PTPRD: variants seen among roughly 807,000 people sequenced by gnomAD.
The protein encoded by PTPRD is receptor-type tyrosine-protein phosphatase delta.
Under a neutral mutation model 214.5 loss-of-function variants are expected in PTPRD, and 34 were observed. The ratio of observed to expected loss-of-function variants is 0.16; its 90% CI spans 0.12 to 0.21. The LOEUF (loss-of-function observed/expected upper bound fraction) is 0.21, where lower values mean the gene tolerates loss of function less well. Among genes scored for constraint, PTPRD ranks in the 10% least tolerant of loss-of-function variants. PTPRD has a pLI of 1.00. For missense variants in PTPRD, 2,545 were observed against 2,398.7 expected (o/e 1.06, Z -1.27); for synonymous variants, 1,128 against 845.7 (o/e 1.33, Z -5.79).
At chr9:9,941,818 C>A (rs901070220) in intron 4 of PTPRD, among the ~76,000 whole-genome samples, 1 of 152,112 alleles carries the variant, frequency 6.6e-6, no homozygotes, top group East Asian at 1.9e-4. Context: ...CTGGAAAATT[C>A]ATGTCATTCA....
At chr9:10,509,557 T>TTATATA (rs3076461) in intron 2 of PTPRD, among the ~76,000 whole-genome samples, 2,795 of 106,652 alleles carry the variant, frequency 0.026, 222 homozygotes, top group African/African-American at 0.1. Context: ...TTAATAAATA[T>TTATATA]TATATATATA....
rs1407318729 is a variant in PTPRD at position 8,610,363 on chromosome 9, T to G, written c.352+22954A>C. Among the ~76,000 whole-genome samples the G allele has an allele frequency of 2.0e-5, 3 of 152,196 alleles. No individual in the cohort carries two copies. In the South Asian group the frequency reaches 6.2e-4, roughly 31 times the overall value. The stretch of plus-strand genomic sequence containing the variant: ...ATTTCAGTATTCAGAGGAAAAAATC[T>G]GAGGCACTGGAAAGCCTAGGGTTTT... On this transcript the variant is annotated intron_variant, in intron 14 of 45. Coordinates refer to ENST00000381196, the MANE Select transcript of PTPRD (RefSeq NM_002839.4).
chr9:8,723,454 T>C lies in PTPRD; in HGVS notation c.64+10326A>G, dbSNP rs192709744. Among the ~76,000 whole-genome samples, 20 of 152,308 alleles carry C rather than the reference T, an allele frequency of 1.3e-4. No individual in the cohort carries two copies. The East Asian group carries it at 2.9e-3, about 22-fold the overall frequency. Reference sequence around the variant, plus strand: ...ACGCCGTTCAGTGACTTGTTGCCCATAGCCATGTCTTGCTGCACTGCTCCT... The same window carrying C: ...ACGCCGTTCAGTGACTTGTTGCCCACAGCCATGTCTTGCTGCACTGCTCCT... On this transcript the variant is annotated intron_variant, in intron 12 of 45. Transcript: ENST00000381196.
At chr9:9,170,136 T>C (rs1003463973) in intron 10 of PTPRD, among the ~76,000 whole-genome samples, 3 of 152,198 alleles carry the variant, frequency 2.0e-5, no homozygotes, top group Admixed American at 2.0e-4. Context: ...TATCGCAATC[T>C]GTGATTACAA....
rs774811026 is a variant in PTPRD at position 8,518,300 on chromosome 9, T to C, written c.1091A>G (p.Glu364Gly). ...YIIQHKPKNS[E>G]ELYKEIDGVA... The stretch of plus-strand genomic sequence containing the variant: ...CCCATCAATTTCTTTGTAAAGTTCC[T>C]CAGAGTTTTTAGGTTTATGCTGAAT... The change falls in exon 21 of 46, where the codon GAG becomes GGG. Residue 364 changes from glutamate (E) to glycine (G), a missense_variant. Coordinates refer to ENST00000381196, the MANE Select transcript of PTPRD (RefSeq NM_002839.4). 2.5e-6 allele frequency: 4 copies of C among 1,614,152 alleles called. No individual in the cohort carries two copies. The highest frequency in any genetic ancestry group is 2.2e-5 in the East Asian group (1 of 44,874).
At chr9:9,187,403 G>A (rs191965394) in intron 9 of PTPRD, among the ~76,000 whole-genome samples, 21 of 151,980 alleles carry the variant, frequency 1.4e-4, no homozygotes, top group Admixed American at 1.2e-3. Context: ...AAAATTCCAG[G>A]AAAAAATAAG....
chr9:10,157,213 T>C (rs1019774735), intron 3 of PTPRD, among the ~76,000 whole-genome samples: 11 of 152,190 alleles, frequency 7.2e-5, no homozygotes, highest in African/African-American at 2.4e-4. Context: ...TTTTGGGGGT[T>C]GCTTTTTATA....
chr9:9,904,836 G>A (rs2153815602), intron 5 of PTPRD, among the ~76,000 whole-genome samples: 1 of 152,152 alleles, frequency 6.6e-6, no homozygotes, highest in East Asian at 1.9e-4. Flanking sequence ...ATCAAACTCA[G>A]AGAAATCGTA....
chr9:8,587,707 A>T (rs1311776246), intron 14 of PTPRD, among the ~76,000 whole-genome samples: 1 of 152,240 alleles, frequency 6.6e-6, no homozygotes, highest in Non-Finnish European at 1.5e-5. Context: ...GGCCTTGGAA[A>T]GCTGTACATG....
At chr9:10,385,628 G>C (rs2154486748) in intron 2 of PTPRD, among the ~76,000 whole-genome samples, 1 of 151,890 alleles carries the variant, frequency 6.6e-6, no homozygotes, top group South Asian at 2.1e-4. Context: ...CTTAACAGCT[G>C]TGTGGGCTTG....
rs539546806 is a variant in PTPRD at position 9,361,548 on chromosome 9, G to C, written c.-203+35901C>G. On this transcript the variant is annotated intron_variant, in intron 9 of 45. Coordinates refer to ENST00000381196, the MANE Select transcript of PTPRD (RefSeq NM_002839.4). ...TCTTTTTTTTTATTGATACATAACA[G>C]AGGTACATGTTTTTGGTACATGTGA... 9.4e-4 allele frequency among the ~76,000 whole-genome samples: 142 copies of C among 150,912 alleles called. 1 individual carries two copies. The highest frequency in any genetic ancestry group is 3.4e-3 in the Middle Eastern group (1 of 292).
At chr9:9,286,545 G>A (rs1175121066) in intron 9 of PTPRD, among the ~76,000 whole-genome samples, 3 of 151,486 alleles carry the variant, frequency 2.0e-5, no homozygotes, top group South Asian at 2.1e-4. Context: ...ATGAGCATAC[G>A]TTTTTCTAAT....
chr9:8,955,914 C>T (rs1290787228), intron 11 of PTPRD, among the ~76,000 whole-genome samples: 1 of 151,848 alleles, frequency 6.6e-6, no homozygotes, highest in Admixed American at 6.6e-5. Flanking sequence ...ACACACACAC[C>T]TTATTTTACA....
intron 5 of PTPRD, among the ~76,000 whole-genome samples, chr9:9,782,883 G>C (rs914491631): frequency 1.5e-4 from 23 of 152,138 alleles, no homozygotes; most frequent in African/African-American, 5.1e-4. Flanking sequence ...CTTGGAATTT[G>C]TCTAATGCTA....
chr9:10,321,592 G>A (rs531582865), intron 3 of PTPRD, among the ~76,000 whole-genome samples: 10 of 152,090 alleles, frequency 6.6e-5, no homozygotes, highest in Admixed American at 3.3e-4. Context: ...TTTTGAAGGG[G>A]TTTTAAAAGC....
At chr9:9,872,559 C>T (rs909800158) in intron 5 of PTPRD, among the ~76,000 whole-genome samples, 1 of 152,086 alleles carries the variant, frequency 6.6e-6, no homozygotes, top group Non-Finnish European at 1.5e-5. Flanking sequence ...CACTGTACTC[C>T]AGCCTGGGCA....
intron 14 of PTPRD, among the ~76,000 whole-genome samples, chr9:8,538,135 C>A (rs2140080072): frequency 6.6e-6 from 1 of 152,112 alleles, no homozygotes; most frequent in Admixed American, 6.6e-5. Flanking sequence ...TCCACTTTCA[C>A]AAATCTCATT....
chr9:9,208,729 T>C (rs1223019915), intron 9 of PTPRD, among the ~76,000 whole-genome samples: 6 of 151,972 alleles, frequency 3.9e-5, no homozygotes, highest in Middle Eastern at 3.2e-3. Context: ...TTGTAGACAC[T>C]AATGAATTAA....
chr9:10,603,704 T>C (rs1208560532), intron 2 of PTPRD, among the ~76,000 whole-genome samples: 1 of 151,830 alleles, frequency 6.6e-6, no homozygotes, highest in Non-Finnish European at 1.5e-5. Flanking sequence ...AGTCAATAAG[T>C]GTTGGCTATT....
Sources: allele counts gnomAD v4.1 joint callset (sites outside exome capture counted in the v4.1 genomes callset), GRCh38; gene constraint gnomAD v4.1.1; transcripts MANE v1.5; gene names NCBI Gene and HGNC (gene_info 2026-07-23, HGNC 2026-07-21).